Variants in OR3A2 observed in about 807,000 individuals in gnomAD.
OR3A2 encodes the protein olfactory receptor 3A2.
For missense variants in OR3A2, 318 were observed against 392.8 expected (o/e 0.81, Z 1.61); for synonymous variants, 126 against 159.3 (o/e 0.79, Z 1.57).
chr17:3,291,880 C>G, intron 3 of OR3A2: 4 of 1,614,244 alleles, frequency 2.5e-6, no homozygotes, highest in Non-Finnish European at 3.4e-6. Flanking sequence ...TTCCTGCCCT[C>G]TACAGAGCGA....
intron 3 of OR3A2, among the ~76,000 whole-genome samples, chr17:3,308,928 C>T (rs889611114): frequency 1.6e-5 from 1 of 61,016 alleles, no homozygotes; most frequent in African/African-American, 7.4e-5. Flanking sequence ...TTTTTTGAGA[C>T]TGAGTCTCGC....
intron 1 of OR3A2, among the ~76,000 whole-genome samples, chr17:3,282,433 A>G (rs1439217999): frequency 6.6e-6 from 1 of 152,178 alleles, no homozygotes; most frequent in Non-Finnish European, 1.5e-5. Context: ...GATAGTCTCT[A>G]AAGACTGACC....
At chr17:3,298,443 G>A (rs140201876) in intron 3 of OR3A2, 3 of 152,162 alleles carry the variant, frequency 2.0e-5, no homozygotes, top group Admixed American at 6.6e-5. Flanking sequence ...GTTGCTCCCC[G>A]AGAAATGGGT....
intron 1 of OR3A2, among the ~76,000 whole-genome samples, chr17:3,280,295 A>G (rs1485346595): frequency 1.3e-5 from 2 of 150,162 alleles, no homozygotes; most frequent in Admixed American, 6.6e-5. Context: ...TTTTTGAGAC[A>G]GAGTCTTGCT....
At position 3,362,994 on chromosome 17, in the gene OR3A2, C is replaced by A. The variant is rs373813202; in HGVS notation, c.-179+20810G>T. Among the ~76,000 whole-genome samples the A allele has an allele frequency of 3.4e-4, 51 of 152,002 alleles. No homozygotes were observed. In the East Asian group the frequency reaches 6.6e-3, roughly 20 times the overall value. On this transcript the variant is annotated intron_variant, in intron 2 of 4. Coordinates refer to the OR3A2 transcript ENST00000573491. ...GGATGCAGGGTGCCATGTCCCAAGG[C>A]TGCACAGAGCAGTGGGGGCCTGGAC...
chr17:3,289,750 G>T (rs941247867), intron 3 of OR3A2, among the ~76,000 whole-genome samples: 1 of 152,182 alleles, frequency 6.6e-6, no homozygotes, highest in African/African-American at 2.4e-5. Flanking sequence ...AAGGTCAAGC[G>T]TGTCGTGAAT....
intron 2 of OR3A2, among the ~76,000 whole-genome samples, chr17:3,338,369 T>C (rs2049288950): frequency 1.3e-5 from 2 of 152,224 alleles, no homozygotes. Context: ...TGAATGCTAT[T>C]GCCTAGGTTT....
intron 2 of OR3A2, among the ~76,000 whole-genome samples, chr17:3,347,014 C>G (rs1243737681): frequency 6.6e-6 from 1 of 152,164 alleles, no homozygotes; most frequent in African/African-American, 2.4e-5. Context: ...GAGCAGATCT[C>G]TCTTTGATAT....
chr17:3,278,436 G>C (rs1415573985), exon 2 of OR3A2: 1 of 1,614,076 alleles, frequency 6.2e-7, no homozygotes, highest in Non-Finnish European at 8.5e-7. Context: ...CACAGTGTGG[G>C]TCAGTGCGTT....
At chr17:3,366,688 C>T (rs1270369511) in intron 2 of OR3A2, among the ~76,000 whole-genome samples, 2 of 152,264 alleles carry the variant, frequency 1.3e-5, no homozygotes, top group South Asian at 2.1e-4. Flanking sequence ...TGCCCTAAAA[C>T]ATTCATGGCA....
intron 3 of OR3A2, among the ~76,000 whole-genome samples, chr17:3,333,148 C>A (rs144287769): frequency 0.02 from 3,018 of 152,234 alleles, 40 homozygotes; most frequent in Non-Finnish European, 0.031. Flanking sequence ...TAATTGCATT[C>A]CTGGGTGGAG....
chr17:3,339,805 T>C (rs1046906922), intron 2 of OR3A2, among the ~76,000 whole-genome samples: 1 of 152,192 alleles, frequency 6.6e-6, no homozygotes, highest in African/African-American at 2.4e-5. Flanking sequence ...TTAGGGTGGA[T>C]TCCCTCTTTT....
chr17:3,338,412 A>G (rs2049289295), intron 2 of OR3A2, among the ~76,000 whole-genome samples: 1 of 152,100 alleles, frequency 6.6e-6, no homozygotes, highest in Non-Finnish European at 1.5e-5. Context: ...TAGGCCTAAT[A>G]TTTAAGTCTT....
chr17:3,350,442 A>G lies in OR3A2; in HGVS notation c.-178-14316T>C, dbSNP rs1385695293. On this transcript the variant is annotated intron_variant, in intron 2 of 4. Coordinates refer to the OR3A2 transcript ENST00000573491. ...AAACTAGAAAATCTAGAAGAAATGG[A>G]TAAATTCCTCGACACATACACTCTC... Among the ~76,000 whole-genome samples the G allele has an allele frequency of 1.6e-3, 248 of 151,402 alleles. 1 individual carries two copies. The Middle Eastern group carries it at 0.017, about 11-fold the overall frequency.
At chr17:3,293,099 A>G (rs1411560926) in intron 3 of OR3A2, among the ~76,000 whole-genome samples, 1 of 151,930 alleles carries the variant, frequency 6.6e-6, no homozygotes, top group East Asian at 1.9e-4. Context: ...GAGTGACAAG[A>G]AGCAGAGAGA....
At chr17:3,334,168 T>C (rs7215783) in intron 3 of OR3A2, among the ~76,000 whole-genome samples, 2,099 of 152,310 alleles carry the variant, frequency 0.014, 38 homozygotes, top group African/African-American at 0.047. Flanking sequence ...GAGTGTAAAT[T>C]AGTTCAACTA....
At chr17:3,316,936 G>C (rs1347973646) in intron 3 of OR3A2, among the ~76,000 whole-genome samples, 1 of 152,166 alleles carries the variant, frequency 6.6e-6, no homozygotes, top group African/African-American at 2.4e-5. Context: ...TTCAAGTTTT[G>C]ATTCTTTATC....
At chr17:3,292,541 C>G in intron 3 of OR3A2, 2 of 1,613,840 alleles carry the variant, frequency 1.2e-6, no homozygotes, top group Non-Finnish European at 1.7e-6. Context: ...GCAGGATGAA[C>G]TCAGCAATGA....
intron 3 of OR3A2, among the ~76,000 whole-genome samples, chr17:3,315,776 A>AG (rs2049078319): frequency 3.3e-5 from 1 of 30,206 alleles, no homozygotes. Context: ...TAGTAAGATG[A>AG]GTAGTAAGAT....
Sources: gnomAD v4.1 joint callset for allele counts (sites outside exome capture counted in the v4.1 genomes callset) on GRCh38, gnomAD v4.1.1 for gene constraint, MANE v1.5 for transcripts, NCBI Gene and HGNC (gene_info 2026-07-23, HGNC 2026-07-21) for gene names.